Variants in LAMB4 observed in about 807,000 individuals in gnomAD.
The protein encoded by LAMB4 is laminin subunit beta-4.
A neutral mutation model predicts 199.2 loss-of-function variants in LAMB4; 196 were observed. That is an observed-to-expected ratio of 0.98 (90% CI 0.88 to 1.11). The LOEUF (loss-of-function observed/expected upper bound fraction) is 1.11, where lower values mean the gene tolerates loss of function less well. Among genes scored for constraint, LAMB4 ranks in the 50% least tolerant of loss-of-function variants. The pLI is 0.00. For missense variants in LAMB4, 2,080 were observed against 2,171.2 expected, an observed-to-expected ratio of 0.96 and a Z score of 0.83; for synonymous variants, 744 against 770.6, an observed-to-expected ratio of 0.97 and a Z score of 0.57.
At chr7:108,044,994 GA>G (rs67434829) in intron 28 of LAMB4, among the ~76,000 whole-genome samples, 15,485 of 134,984 alleles carry the variant, frequency 0.11, 1,211 homozygotes, top group African/African-American at 0.25. Context: ...AGAAAAAAAA[GA>G]AAAAAAATTC....
the LAMB4 span, among the ~76,000 whole-genome samples, chr7:108,011,698 C>T: frequency 3.9e-5 from 6 of 152,044 alleles, no homozygotes; most frequent in East Asian, 1.9e-4. Flanking sequence ...GGATTACAGG[C>T]GTGAGCCACT....
rs1402893974 is a variant in LAMB4 at position 108,023,664 on chromosome 7, T to C, written c.*375A>G. On this transcript the variant is annotated 3_prime_UTR_variant, in exon 34 of 34. Transcript: ENST00000388781. ...GTACATGCCATACATATGTATTCCA[T>C]CCTAATATTGGAGATATTTATTTAA... The C allele has an allele frequency of 6.4e-6, 1 of 156,210 alleles. No homozygotes were observed. Among genetic ancestry groups the C allele is most frequent in the Non-Finnish European group, 1.4e-5 (1 of 70,902 alleles). The allele number at this position is 156,210 out of a possible 1,614,324, so 9.7% of individuals were successfully genotyped here. A position where few individuals can be genotyped will look rare whatever the true frequency, so the allele number is the denominator to read the frequency against.
intron 33 of LAMB4, 141 bp downstream of exon 33, chr7:108,028,902 C>T (rs1483897259): frequency 1.3e-6 from 1 of 771,896 alleles, no homozygotes; most frequent in Non-Finnish European, 2.0e-6. Context: ...GTCCCCAAAA[C>T]ACAAGACCAA....
At chr7:108,056,431 T>C (rs529761665) in intron 24 of LAMB4, among the ~76,000 whole-genome samples, 1 of 152,350 alleles carries the variant, frequency 6.6e-6, no homozygotes, top group African/African-American at 2.4e-5. Context: ...TTGGGTGTGA[T>C]GACCACGCTG....
intron 14 of LAMB4, among the ~76,000 whole-genome samples, chr7:108,087,229 C>T (rs188589870): frequency 2.8e-4 from 42 of 152,318 alleles, no homozygotes; most frequent in Admixed American, 2.2e-3. Context: ...CACCACCACA[C>T]ATTAGCCATT....
chr7:108,044,617 G>T (rs1197287557), intron 28 of LAMB4, among the ~76,000 whole-genome samples: 3 of 152,172 alleles, frequency 2.0e-5, no homozygotes, highest in Non-Finnish European at 4.4e-5. Context: ...TAAATTAATT[G>T]TGACAGAAGT....
intron 14 of LAMB4, among the ~76,000 whole-genome samples, chr7:108,084,196 A>C (rs977057120): frequency 4.6e-5 from 7 of 152,288 alleles, no homozygotes; most frequent in African/African-American, 1.7e-4. Flanking sequence ...GATGGTACCA[A>C]TTATAGCCTT....
At position 108,086,505 on chromosome 7, in the gene LAMB4, C is replaced by G. The variant is rs1186084277; in HGVS notation, c.1701+5121G>C. On this transcript the variant is annotated intron_variant, in intron 14 of 33. Transcript: ENST00000388781. Reference sequence around the variant, plus strand: ...AAAAATATGACTATTTTGTATTCTTCTCTTGTACTAAACTGACCCACTAAA... The same window carrying G: ...AAAAATATGACTATTTTGTATTCTTGTCTTGTACTAAACTGACCCACTAAA... Among the ~76,000 whole-genome samples, 5 of 152,122 alleles carry G rather than the reference C, an allele frequency of 3.3e-5. No homozygotes were observed. The South Asian group carries it at 8.3e-4, about 25-fold the overall frequency.
At chr7:108,121,708 C>G (rs1216218351) in intron 2 of LAMB4, among the ~76,000 whole-genome samples, 1 of 150,980 alleles carries the variant, frequency 6.6e-6, no homozygotes, top group Non-Finnish European at 1.5e-5. Context: ...TGAGATCGCA[C>G]CATTGCACTC....
In LAMB4 at chr7:108,029,043, C is replaced by A. The variant is rs1365742051; in HGVS notation, c.5146G>T (p.Asp1716Tyr). The part of the protein sequence containing the change: ...DTEAKIRRIT[D>Y]LERKIQDLNL... ...GCAGGATGGATAAAAGAACAGATAC[C>A]TGTTATTCTTCTTATCTTGGCCTCT... The change falls in exon 33 of 34, where the codon GAT becomes TAT. Residue 1716 changes from aspartate (D) to tyrosine (Y), a missense_variant and splice_region_variant. Asp to Tyr is a radical substitution (Grantham distance 160). Coordinates refer to ENST00000388781, the MANE Select transcript of LAMB4 (RefSeq NM_007356.3). The A allele has an allele frequency of 6.2e-7, 1 of 1,612,234 alleles. No homozygotes were observed. The highest frequency in any genetic ancestry group is 8.5e-7 in the Non-Finnish European group (1 of 1,179,378).
rs149878640 is a variant in LAMB4, at chr7:108,079,741, C to A, written c.1747G>T (p.Gly583Ter). 504 of 1,608,864 alleles carry A rather than the reference C, an allele frequency of 3.1e-4. 3 individuals carry two copies. The South Asian group carries it at 3.2e-3, about 10-fold the overall frequency. Residue 583 changes from glycine (G) to a stop codon, truncating the protein, a stop_gained, in exon 15 of 34, where the codon GGA becomes TGA. Transcript: ENST00000388781. LOFTEE classifies it high-confidence loss of function. ...ACAGGGTTCCCAGGAACTGGCTCTC[C>A]TAAAACAACGTGAACAGCAGGACTC... ...GQSPAVHVVL[G>*]EPVPGNPVTW...
In LAMB4 at chr7:108,030,825, T is replaced by C; in HGVS notation, c.4973A>G (p.Gln1658Arg). Reference protein sequence around the residue: ...AKVQAESAQHQAGSLEKEFVE... With the variant: ...AKVQAESAQHRAGSLEKEFVE... ...AATGACCTTCTCAAGACTCCCAGCC[T>C]GGTGTTGGGCAGATTCAGCCTGAAC... is the stretch of plus-strand genomic sequence containing the variant. The change falls in exon 32 of 34, where the codon CAG (glutamine) becomes CGG (arginine). Residue 1658 changes from glutamine to arginine, a missense_variant. Transcript: ENST00000388781. 2 of 1,614,120 alleles carry C rather than the reference T, an allele frequency of 1.2e-6. No homozygotes were observed. The highest frequency in any genetic ancestry group is 1.7e-6 in the Non-Finnish European group (2 of 1,179,994).
In LAMB4 at chr7:108,057,909, C is replaced by G. The variant is rs755195757; in HGVS notation, c.3302G>C (p.Cys1101Ser). 1 of 1,613,574 alleles carries G rather than the reference C, an allele frequency of 6.2e-7. No homozygotes were observed. Among genetic ancestry groups the G allele is most frequent in the East Asian group, 2.2e-5 (1 of 44,880 alleles). The change falls in exon 24 of 34, where the codon TGT becomes TCT. Residue 1101 changes from cysteine (C) to serine (S), a missense_variant. By Grantham distance (112) the Cys-to-Ser change is moderately radical. Coordinates refer to ENST00000388781, the MANE Select transcript of LAMB4 (RefSeq NM_007356.3). ...ACGTTTCCCGCCGTAACCTAATTTA[C>G]ACGGACACTGGCCTGTAAGCTGTGA... ...HCDQLTGQCP[C>S]KLGYGGKRCS...
At chr7:108,019,571 AGG>A (rs1296156563), downstream of LAMB4, among the ~76,000 whole-genome samples, 8 of 152,084 alleles carry the variant, frequency 5.3e-5, no homozygotes, top group Non-Finnish European at 1.5e-5. Flanking sequence ...ACTTCCTTTT[AGG>A]GTTGTGCCCT....
intron 23 of LAMB4, among the ~76,000 whole-genome samples, chr7:108,061,589 A>C (rs187852938): frequency 6.6e-6 from 1 of 152,082 alleles, no homozygotes; most frequent in African/African-American, 2.4e-5. Context: ...GAATACAAAA[A>C]TTAGCTGGGC....
intron 18 of LAMB4, among the ~76,000 whole-genome samples, chr7:108,068,953 T>C (rs1489664029): frequency 6.6e-6 from 1 of 152,218 alleles, no homozygotes; most frequent in East Asian, 1.9e-4. Context: ...CCCAAAGTGC[T>C]GGGATTACAG....
chr7:108,030,854 C>A lies in LAMB4; in HGVS notation c.4944G>T (p.Ala1648=). 2 of 1,614,066 alleles carry A rather than the reference C, an allele frequency of 1.2e-6. No individual in the cohort carries two copies. Among genetic ancestry groups the A allele is most frequent in the South Asian group, 2.2e-5 (2 of 91,062 alleles). ...LQRHQDHAVN[A]KVQAESAQHQ... ...GTTGGGCAGATTCAGCCTGAACTTT[C>A]GCATTGACAGCGTGGTCTTGATGCC... Residue 1648 remains alanine, a synonymous_variant, in exon 32 of 34, where the codon GCG becomes GCT. Transcript: ENST00000388781.
In LAMB4 at chr7:108,034,530, TA is replaced by T. The variant is rs550193850; in HGVS notation, c.4680-185del. Among the ~76,000 whole-genome samples the T allele has an allele frequency of 3.9e-5, 6 of 151,986 alleles. No homozygotes were observed. The South Asian group carries it at 6.2e-4, about 16-fold the overall frequency. ...AGAAATAGGTATATTTAAATGCCAA[TA>T]AAAAAAACCCCACACACGTATATAT... On this transcript the variant is annotated intron_variant, in intron 30 of 33. Transcript: ENST00000388781.
chr7:108,108,431 G>A (rs562136705), intron 5 of LAMB4, among the ~76,000 whole-genome samples: 1 of 152,178 alleles, frequency 6.6e-6, no homozygotes, highest in South Asian at 2.1e-4. Context: ...GATTCTCTTT[G>A]CCAAGCATGC....
Sources: allele counts gnomAD v4.1 joint callset (sites outside exome capture counted in the v4.1 genomes callset), GRCh38; gene constraint gnomAD v4.1.1; transcripts MANE v1.5; gene names NCBI Gene and HGNC (gene_info 2026-07-23, HGNC 2026-07-21).